Variants in CDH18 observed in about 807,000 individuals in gnomAD.
The protein encoded by CDH18 is cadherin-18.
Under a neutral mutation model 67.9 loss-of-function variants are expected in CDH18, and 31 were observed. The observed-to-expected ratio is 0.46, with a 90% CI of 0.34 to 0.62. The LOEUF (loss-of-function observed/expected upper bound fraction) is 0.62. Among genes scored for constraint, CDH18 ranks in the 20% least tolerant of loss-of-function variants. The pLI, the probability that CDH18 is intolerant of heterozygous loss-of-function variation, is 0.01. For missense variants in CDH18, 890 were observed against 975.5 expected (o/e 0.91, Z 1.17); for synonymous variants, 362 against 347.2 (o/e 1.04, Z -0.48).
At chr5:19,583,376 G>A (rs929505659) in intron 7 of CDH18, among the ~76,000 whole-genome samples, 4 of 152,028 alleles carry the variant, frequency 2.6e-5, no homozygotes, top group Non-Finnish European at 2.9e-5. Context: ...TGAACATGTT[G>A]TACTACAAAT....
intron 1 of CDH18, among the ~76,000 whole-genome samples, chr5:20,493,356 TAAAAAAAAAAAAA>T (rs148292031): frequency 4.2e-5 from 2 of 47,208 alleles, no homozygotes; most frequent in Non-Finnish European, 7.0e-5. Context: ...TTCAGAAAAT[TAAAAAAAAAAAAA>T]AAAAAAAAAA....
chr5:20,004,065 T>C (rs1460033017), intron 2 of CDH18, among the ~76,000 whole-genome samples: 1 of 152,242 alleles, frequency 6.6e-6, no homozygotes, highest in East Asian at 1.9e-4. Context: ...TGTGCTCTTA[T>C]CTGAAGCCAA....
At chr5:20,321,979 T>C (rs993669002) in intron 1 of CDH18, among the ~76,000 whole-genome samples, 2 of 152,120 alleles carry the variant, frequency 1.3e-5, no homozygotes, top group Non-Finnish European at 2.9e-5. Flanking sequence ...AATTGATATA[T>C]TTAAAATTCA....
At chr5:19,826,034 A>G (rs1265981448) in intron 3 of CDH18, among the ~76,000 whole-genome samples, 1 of 152,206 alleles carries the variant, frequency 6.6e-6, no homozygotes, top group East Asian at 1.9e-4. Flanking sequence ...ATTTTAAGAA[A>G]GAACCAAATG....
chr5:19,718,044 T>G (rs546619461), intron 5 of CDH18, among the ~76,000 whole-genome samples: 1 of 152,104 alleles, frequency 6.6e-6, no homozygotes, highest in East Asian at 1.9e-4. Context: ...GTAAAAAAAT[T>G]CAGATATTAT....
chr5:20,054,903 A>T (rs1561752351), intron 2 of CDH18, among the ~76,000 whole-genome samples: 2 of 152,156 alleles, frequency 1.3e-5, no homozygotes. Context: ...TACAAATGTG[A>T]CTATCTAAGA....
chr5:19,931,125 C>T (rs961541905), intron 2 of CDH18, among the ~76,000 whole-genome samples: 4 of 151,934 alleles, frequency 2.6e-5, no homozygotes. Flanking sequence ...AATTACATCA[C>T]TAATTTTGTC....
intron 4 of CDH18, among the ~76,000 whole-genome samples, chr5:19,733,338 G>T (rs950183394): frequency 6.6e-6 from 1 of 152,074 alleles, no homozygotes; most frequent in African/African-American, 2.4e-5. Flanking sequence ...TGGTGCCTTT[G>T]TTTTAACCTT....
chr5:19,837,029 A>G (rs1384206321), intron 3 of CDH18, among the ~76,000 whole-genome samples: 1 of 152,126 alleles, frequency 6.6e-6, no homozygotes, highest in Non-Finnish European at 1.5e-5. Context: ...TCAATGATAA[A>G]CTGGATAAAT....
At chr5:20,292,296 A>G (rs1747161875) in intron 1 of CDH18, among the ~76,000 whole-genome samples, 1 of 152,206 alleles carries the variant, frequency 6.6e-6, no homozygotes, top group Non-Finnish European at 1.5e-5. Context: ...ATTGAGAAAC[A>G]CTGCTGTTTT....
At chr5:19,562,740 G>A (rs1025091279) in intron 8 of CDH18, among the ~76,000 whole-genome samples, 3 of 152,032 alleles carry the variant, frequency 2.0e-5, no homozygotes, top group African/African-American at 7.2e-5. Flanking sequence ...TTTCCTTAAA[G>A]TTATCATTCA....
chr5:20,115,270 C>CTTTTTTTTTTT lies in CDH18; in HGVS notation c.-517-123267_-517-123257dup. ...TGGGGCTCCACTCTCAGGGCCTCATCTTTTTTTTTTTTTTTTTTTTTTTTT... is the reference window on the plus strand; with the variant it reads ...TGGGGCTCCACTCTCAGGGCCTCATCTTTTTTTTTTTTTTTTTTTTTTTTTTTTTTTTTTTT... On this transcript the variant is annotated intron_variant, in intron 2 of 14. Coordinates refer to the CDH18 transcript ENST00000507958. 1.7e-3 allele frequency among the ~76,000 whole-genome samples: 100 copies of CTTTTTTTTTTT among 58,154 alleles called. 24 individuals carry two copies. The highest frequency in any genetic ancestry group is 3.3e-3 in the South Asian group (3 of 920). 38.2% of individuals were successfully genotyped at this position (58,154 alleles called of 152,430 possible).
intron 1 of CDH18, among the ~76,000 whole-genome samples, chr5:20,426,624 G>C (rs1748324186): frequency 6.6e-6 from 1 of 150,892 alleles, no homozygotes; most frequent in Non-Finnish European, 1.5e-5. Context: ...CATCCTGAAG[G>C]GTAAATTAGC....
intron 3 of CDH18, among the ~76,000 whole-genome samples, chr5:19,831,805 T>A (rs1781062797): frequency 6.6e-6 from 1 of 152,104 alleles, no homozygotes; most frequent in Non-Finnish European, 1.5e-5. Flanking sequence ...AATACACCCA[T>A]ATGTTCATTG....
intron 3 of CDH18, among the ~76,000 whole-genome samples, chr5:19,774,426 T>TTAAAATAAAATAAAATAAAA (rs70950101): frequency 0.33 from 45,828 of 139,040 alleles, 9,009 homozygotes; most frequent in South Asian, 0.48. Flanking sequence ...TAAAATAAAA[T>TTAAAATAAAATAAAATAAAA]TAAAATAAAA....
intron 5 of CDH18, among the ~76,000 whole-genome samples, chr5:19,641,254 A>G (rs1753960087): frequency 6.6e-6 from 1 of 151,974 alleles, no homozygotes; most frequent in Admixed American, 6.6e-5. Context: ...ATATTCCACC[A>G]AACATTTAAA....
At position 20,538,909 on chromosome 5, in the gene CDH18, G is replaced by GTT. The variant is rs35247774; in HGVS notation, c.-580+36551_-580+36552dup. ...CCACATAGCCAACTGTTTTTTTTTT[G>GTT]TTTTTTTTTTTTTTTGTCGCCCAGG... is the stretch of plus-strand genomic sequence containing the variant. On this transcript the variant is annotated intron_variant, in intron 1 of 14. Coordinates refer to the CDH18 transcript ENST00000507958. Among the ~76,000 whole-genome samples the GTT allele has an allele frequency of 7.9e-3, 934 of 118,696 alleles. 36 individuals are homozygous for GTT. The highest frequency in any genetic ancestry group is 0.03 in the African/African-American group (891 of 29,890). 77.9% of individuals were successfully genotyped at this position (118,696 alleles called of 152,430 possible).
intron 1 of CDH18, among the ~76,000 whole-genome samples, chr5:20,393,438 C>G (rs114943599): frequency 1.3e-5 from 2 of 151,894 alleles, no homozygotes; most frequent in Non-Finnish European, 2.9e-5. Context: ...CTGGTATAGA[C>G]GAACATTTGT....
intron 2 of CDH18, among the ~76,000 whole-genome samples, chr5:19,857,876 C>T (rs2149962735): frequency 1.3e-5 from 2 of 152,190 alleles, no homozygotes; most frequent in African/African-American, 4.8e-5. Context: ...ACTTTCAAGT[C>T]AGAAATTATT....
Sources: gnomAD v4.1 joint callset for allele counts (sites outside exome capture counted in the v4.1 genomes callset) on GRCh38, gnomAD v4.1.1 for gene constraint, MANE v1.5 for transcripts, NCBI Gene and HGNC (gene_info 2026-07-23, HGNC 2026-07-21) for gene names.